The following MCF2L2 variants were observed in gnomAD, a reference collection of about 807,000 sequenced individuals.
MCF2L2 encodes the protein probable guanine nucleotide exchange factor MCF2L2.
In MCF2L2, 102 loss-of-function variants were observed where a neutral mutation model predicts 150.2. That is an observed-to-expected ratio of 0.68 (90% confidence interval 0.58 to 0.80). MCF2L2 has a LOEUF of 0.80. Among genes scored for constraint, MCF2L2 ranks in the 30% least tolerant of loss-of-function variants. MCF2L2 has a pLI of 0.00. For missense variants in MCF2L2, 1,256 were observed against 1,372.8 expected (o/e 0.91, Z 1.34); for synonymous variants, 465 against 491.3 (o/e 0.95, Z 0.71).
Position 183,204,657 on chromosome 3 carries a change from C to T in MCF2L2, c.2884+1219G>A, listed in dbSNP as rs75415452. Among the ~76,000 whole-genome samples, 740 of 152,114 alleles carry T rather than the reference C, an allele frequency of 4.9e-3. 5 individuals are homozygous for T. Among genetic ancestry groups the T allele is most frequent in the African/African-American group, 0.017 (714 of 41,494 alleles). On this transcript the variant is annotated intron_variant, in intron 25 of 29. Transcript: ENST00000328913. The stretch of plus-strand genomic sequence containing the variant: ...ATGGTCTGGCAATTCTACATATATA[C>T]ACCAAAGAAAACTGGAAATAAAGAT...
At chr3:183,363,065 T>C (rs1195396881) in intron 3 of MCF2L2, among the ~76,000 whole-genome samples, 3 of 148,534 alleles carry the variant, frequency 2.0e-5, no homozygotes, top group Non-Finnish European at 4.4e-5. Flanking sequence ...TCATATGTCA[T>C]TGGGGAATTG....
intron 13 of MCF2L2, 32 bp downstream of exon 13, chr3:183,295,268 G>A (rs370300089): frequency 6.4e-7 from 1 of 1,573,242 alleles, no homozygotes; most frequent in African/African-American, 1.4e-5. Flanking sequence ...AAACACAAAA[G>A]CCACAAAGCT....
chr3:183,198,426 G>A (rs1348999444), intron 25 of MCF2L2, among the ~76,000 whole-genome samples: 2 of 151,614 alleles, frequency 1.3e-5, no homozygotes, highest in African/African-American at 2.4e-5. Flanking sequence ...CACCTGGGGT[G>A]GGTGAGGGAG....
At chr3:183,223,516 A>G in intron 19 of MCF2L2, 78 bp from the exon 20 acceptor site, 2 of 1,108,110 alleles carry the variant, frequency 1.8e-6, no homozygotes, top group Non-Finnish European at 2.7e-6. Flanking sequence ...TTTAGGTACA[A>G]AACACAAAAT....
intron 3 of MCF2L2, among the ~76,000 whole-genome samples, chr3:183,353,020 A>G (rs979298981): frequency 9.9e-5 from 15 of 152,250 alleles, no homozygotes; most frequent in Admixed American, 7.8e-4. Flanking sequence ...ACATGGGTGG[A>G]GACACACATG....
chr3:183,295,198 G>T, intron 13 of MCF2L2, 102 bp downstream of exon 13: 1 of 1,251,860 alleles, frequency 8.0e-7, no homozygotes. Context: ...AATAGTATCT[G>T]TTAAAACAGC....
At position 183,228,352 on chromosome 3, in the gene MCF2L2, T is replaced by G. The variant is rs748009546; in HGVS notation, c.2060A>C (p.Glu687Ala). ...YEFHNRTFLK[E>A]LEKCAENPEL... is the part of the protein sequence containing the mutation. ...AGGGTTCTCAGCACACTTTTCCAAC[T>G]CTTTTAGAAAAGTCCTAGAAAAATA... is the stretch of plus-strand genomic sequence containing the variant. Residue 687 changes from glutamate to alanine, a missense_variant, in exon 18 of 30, where the codon GAG becomes GCG. Coordinates refer to ENST00000328913, the MANE Select transcript of MCF2L2 (RefSeq NM_015078.4). The G allele has an allele frequency of 1.9e-6, 3 of 1,611,786 alleles. No individual in the cohort carries two copies. The East Asian group carries it at 6.7e-5, about 36-fold the overall frequency.
In MCF2L2 at chr3:183,180,169, A is replaced by G. The variant is rs1253428169; in HGVS notation, c.3017-10T>C. On this transcript the variant is annotated splice_polypyrimidine_tract_variant and intron_variant, in intron 27 of 29. Transcript: ENST00000328913. ...TCCCTGCTGGAGCAGCCTTAGGGAG[A>G]GAAAGGGAAGGATGGGGCCTCTGTG... The G allele has an allele frequency of 6.3e-7, 1 of 1,587,176 alleles. No homozygotes were observed. The highest frequency in any genetic ancestry group is 1.7e-5 in the Admixed American group (1 of 59,832).
rs894083710 is a variant in MCF2L2, at chr3:183,194,975, G to A, written c.2918+247C>T. ...TGTATTTTTTTTTGTTAGAGACAGG[G>A]TTTCACCATGTTGCCCAGGCTGGTC... On this transcript the variant is annotated intron_variant, in intron 26 of 29. Transcript: ENST00000328913. Among the ~76,000 whole-genome samples, 17 of 152,008 alleles carry A rather than the reference G, an allele frequency of 1.1e-4. 1 individual carries two copies. In the South Asian group the frequency reaches 1.2e-3, roughly 11 times the overall value.
intron 26 of MCF2L2, 85 bp from the exon 27 acceptor site, chr3:183,193,181 C>G (rs1364059093): frequency 2.7e-6 from 3 of 1,104,554 alleles, no homozygotes; most frequent in Non-Finnish European, 4.1e-6. Flanking sequence ...AACGCTGGCC[C>G]ACCTAGTGTA....
chr3:183,311,658 T>C lies in MCF2L2; in HGVS notation c.868A>G (p.Thr290Ala), dbSNP rs149727195. ...LNLNQLENVT[T>A]MERLLVQLDE... is the part of the protein sequence containing the mutation. ...ACTTCACTCACTCACCTTTCCATGG[T>C]AGTTACATTCTCAAGTTGGTTGAGA... is the stretch of plus-strand genomic sequence containing the variant. The change falls in exon 8 of 30, where the codon ACC becomes GCC. Residue 290 changes from threonine (T) to alanine (A), a missense_variant. Coordinates refer to ENST00000328913, the MANE Select transcript of MCF2L2 (RefSeq NM_015078.4). The C allele has an allele frequency of 8.7e-6, 14 of 1,614,038 alleles. No homozygotes were observed. Among genetic ancestry groups the C allele is most frequent in the Non-Finnish European group, 1.1e-5 (13 of 1,179,970 alleles).
Position 183,297,058 on chromosome 3 carries a change from A to G in MCF2L2, c.1415T>C (p.Leu472Pro). The G allele has an allele frequency of 6.2e-7, 1 of 1,614,232 alleles. No homozygotes were observed. Among genetic ancestry groups the G allele is most frequent in the South Asian group, 1.1e-5 (1 of 91,090 alleles). Residue 472 changes from leucine to proline, a missense_variant, in exon 12 of 30, where the codon CTG (leucine) becomes CCG (proline). Leu to Pro is a moderately conservative substitution (Grantham distance 98). Transcript: ENST00000328913. ...CAACGGGTACTCCTTGACTGTGCCC[A>G]GGAATGTCGCAATGTCGTTCAAGGC... ...DIALNDIATFLGTVKEYPLLS... is the reference protein window; with the variant it reads ...DIALNDIATFPGTVKEYPLLS...
Position 183,406,677 on chromosome 3 carries a change from C to T in MCF2L2, c.77-16898G>A, listed in dbSNP as rs538731842. Among the ~76,000 whole-genome samples, 289 of 152,130 alleles carry T rather than the reference C, an allele frequency of 1.9e-3. 1 individual carries two copies. The highest frequency in any genetic ancestry group is 3.1e-3 in the Non-Finnish European group (211 of 67,980). On this transcript the variant is annotated intron_variant, in intron 1 of 29. Coordinates refer to ENST00000328913, the MANE Select transcript of MCF2L2 (RefSeq NM_015078.4). ...CTAATTTTTGTATTTTTAGTAGAGA[C>T]GGGGTTTCACCACATTGGCCAGGCT...
intron 25 of MCF2L2, among the ~76,000 whole-genome samples, chr3:183,204,942 G>C (rs548060821): frequency 6.6e-6 from 1 of 152,318 alleles, no homozygotes; most frequent in Non-Finnish European, 1.5e-5. Flanking sequence ...ACATCCAATA[G>C]AGACAGGAAA....
At chr3:183,351,891 A>G (rs567631517) in intron 3 of MCF2L2, among the ~76,000 whole-genome samples, 147 of 152,314 alleles carry the variant, frequency 9.7e-4, no homozygotes, top group Non-Finnish European at 1.7e-3. Flanking sequence ...ACAGAAGCTC[A>G]TCTCAAGCCC....
Position 183,389,752 on chromosome 3 carries a change from G to A in MCF2L2, c.104C>T (p.Pro35Leu), listed in dbSNP as rs1451700275. Residue 35 changes from proline (P) to leucine (L), a missense_variant, in exon 2 of 30, where the codon CCC becomes CTC. Transcript: ENST00000328913. Reference sequence around the variant, plus strand: ...TTCTATTATCTCCACCGCCATCAGGGGTCTGACTTCCTGCTGCATAATTTC... The same window carrying A: ...TTCTATTATCTCCACCGCCATCAGGAGTCTGACTTCCTGCTGCATAATTTC... The part of the protein sequence containing the change: ...VDEIMQQEVR[P>L]LMAVEIIEQL... 1 of 1,613,928 alleles carries A rather than the reference G, an allele frequency of 6.2e-7. No individual in the cohort carries two copies. The highest frequency in any genetic ancestry group is 2.2e-5 in the East Asian group (1 of 44,874).
At chr3:183,367,610 A>C (rs573249377) in intron 3 of MCF2L2, among the ~76,000 whole-genome samples, 1 of 152,370 alleles carries the variant, frequency 6.6e-6, no homozygotes, top group Middle Eastern at 3.4e-3. Context: ...TACATTCTAC[A>C]TCTTAGCAAC....
chr3:183,301,810 G>C (rs865876980), intron 10 of MCF2L2, among the ~76,000 whole-genome samples: 1 of 136,898 alleles, frequency 7.3e-6, no homozygotes, highest in South Asian at 2.2e-4. Context: ...AAAAAAAAAA[G>C]AGAAAAGAAA....
At chr3:183,389,296 A>C (rs954505753) in intron 2 of MCF2L2, among the ~76,000 whole-genome samples, 5 of 152,220 alleles carry the variant, frequency 3.3e-5, no homozygotes, top group African/African-American at 1.2e-4. Flanking sequence ...CAGAGAACAA[A>C]CAACCTCAGC....
Sources: gnomAD v4.1 joint callset for allele counts (sites outside exome capture counted in the v4.1 genomes callset) on GRCh38, gnomAD v4.1.1 for gene constraint, MANE v1.5 for transcripts, NCBI Gene and HGNC (gene_info 2026-07-23, HGNC 2026-07-21) for gene names.